The following NLGN1 variants were observed in gnomAD, a reference collection of about 807,000 sequenced individuals.
NLGN1 encodes neuroligin 1, also known as neuroligin-1.
A neutral mutation model predicts 65.5 loss-of-function variants in NLGN1; 12 were observed. The observed-to-expected ratio is 0.18, with a 90% CI of 0.12 to 0.30. The LOEUF (loss-of-function observed/expected upper bound fraction) is 0.30. NLGN1 is among the 10% of genes least tolerant of loss of function. NLGN1 has a pLI of 1.00. For synonymous variants in NLGN1, 350 were observed against 359.5 expected (o/e 0.97, Z 0.30); for missense variants, 750 against 1,007.1 (o/e 0.74, Z 3.46).
chr3:173,663,673 A>T (rs1761284993), intron 3 of NLGN1, among the ~76,000 whole-genome samples: 1 of 151,996 alleles, frequency 6.6e-6, no homozygotes, highest in South Asian at 2.1e-4. Flanking sequence ...CTAGAAATGT[A>T]TTGGTAGCTG....
At chr3:173,533,034 A>G (rs1407689460) in intron 2 of NLGN1, among the ~76,000 whole-genome samples, 1 of 152,226 alleles carries the variant, frequency 6.6e-6, no homozygotes, top group Non-Finnish European at 1.5e-5. Flanking sequence ...ACTGACCAGA[A>G]TAAGTCCCAT....
At chr3:173,591,093 A>G (rs950438487) in intron 2 of NLGN1, among the ~76,000 whole-genome samples, 2 of 152,230 alleles carry the variant, frequency 1.3e-5, no homozygotes, top group African/African-American at 4.8e-5. Flanking sequence ...ATCTTTTTCC[A>G]TTTTGTAAAA....
At chr3:173,962,765 T>G (rs1389119374) in intron 4 of NLGN1, among the ~76,000 whole-genome samples, 1 of 152,184 alleles carries the variant, frequency 6.6e-6, no homozygotes, top group Non-Finnish European at 1.5e-5. Context: ...GTTATCCTTC[T>G]GATACAGAAT....
At chr3:173,880,132 G>A (rs1395430325) in intron 4 of NLGN1, among the ~76,000 whole-genome samples, 1 of 151,868 alleles carries the variant, frequency 6.6e-6, no homozygotes, top group Non-Finnish European at 1.5e-5. Context: ...TATAAATTTA[G>A]GTAAATACCT....
chr3:173,924,277 T>C (rs1742599071), intron 4 of NLGN1, among the ~76,000 whole-genome samples: 1 of 152,132 alleles, frequency 6.6e-6, no homozygotes, highest in African/African-American at 2.4e-5. Context: ...TATATACATA[T>C]TTTCATTGCA....
chr3:173,670,476 A>G (rs1762306218), intron 3 of NLGN1, among the ~76,000 whole-genome samples: 1 of 152,160 alleles, frequency 6.6e-6, no homozygotes, highest in African/African-American at 2.4e-5. Flanking sequence ...GTGTGATGAG[A>G]TGAGAAATAG....
chr3:174,222,049 A>T (rs1561323531), intron 4 of NLGN1, among the ~76,000 whole-genome samples: 1 of 152,124 alleles, frequency 6.6e-6, no homozygotes, highest in Non-Finnish European at 1.5e-5. Context: ...TTCCTTGCAG[A>T]TATAAATTTT....
chr3:174,065,909 G>A (rs1738444038), intron 4 of NLGN1, among the ~76,000 whole-genome samples: 1 of 152,060 alleles, frequency 6.6e-6, no homozygotes, highest in East Asian at 1.9e-4. Context: ...AGCATGCAAG[G>A]AACTGAATCT....
At chr3:173,807,380 A>G (rs1716896407) in intron 3 of NLGN1, among the ~76,000 whole-genome samples, 1 of 152,122 alleles carries the variant, frequency 6.6e-6, no homozygotes, top group South Asian at 2.1e-4. Context: ...TTTTGCGTTT[A>G]CTGTCACTTG....
intron 4 of NLGN1, among the ~76,000 whole-genome samples, chr3:173,838,004 T>A (rs1723994528): frequency 6.6e-6 from 1 of 152,198 alleles, no homozygotes; most frequent in South Asian, 2.1e-4. Context: ...GAAAAATATT[T>A]AATTAGTCTA....
At chr3:173,545,516 A>G (rs1739646531) in intron 2 of NLGN1, among the ~76,000 whole-genome samples, 1 of 152,238 alleles carries the variant, frequency 6.6e-6, no homozygotes, top group African/African-American at 2.4e-5. Context: ...GAGAATGTAG[A>G]TTATGCTAGG....
intron 4 of NLGN1, among the ~76,000 whole-genome samples, chr3:174,008,825 T>TTA (rs1724958523): frequency 6.6e-6 from 1 of 151,222 alleles, no homozygotes; most frequent in African/African-American, 2.4e-5. Flanking sequence ...GGAAAGAGAT[T>TTA]AAAAAAAAAT....
chr3:173,710,128 C>G (rs918453836), intron 3 of NLGN1, among the ~76,000 whole-genome samples: 7 of 151,910 alleles, frequency 4.6e-5, no homozygotes, highest in Non-Finnish European at 8.8e-5. Flanking sequence ...TTCAAAAATT[C>G]AATGAGTGAA....
intron 1 of NLGN1, among the ~76,000 whole-genome samples, chr3:173,417,378 T>G (rs974251669): frequency 2.0e-5 from 3 of 151,928 alleles, no homozygotes; most frequent in African/African-American, 7.2e-5. Context: ...TTAAAATGTC[T>G]TGGTATGTGA....
intron 4 of NLGN1, among the ~76,000 whole-genome samples, chr3:174,199,622 G>A (rs1158961191): frequency 2.0e-5 from 3 of 151,998 alleles, no homozygotes; most frequent in Non-Finnish European, 4.4e-5. Flanking sequence ...GTTTGCCTGA[G>A]GTAAGGACAG....
At chr3:173,520,428 A>G (rs772128636) in intron 2 of NLGN1, among the ~76,000 whole-genome samples, 8 of 152,176 alleles carry the variant, frequency 5.3e-5, no homozygotes, top group Non-Finnish European at 1.0e-4. Context: ...AGGAGTGATA[A>G]TCCATTTAGT....
intron 4 of NLGN1, among the ~76,000 whole-genome samples, chr3:173,994,491 A>AAAGAG (rs10688223): frequency 0.036 from 2,894 of 80,140 alleles, 151 homozygotes; most frequent in East Asian, 0.053. Flanking sequence ...AAAAAAAAAA[A>AAAGAG]AGAGAGAGAG....
intron 3 of NLGN1, among the ~76,000 whole-genome samples, chr3:173,711,530 C>G (rs1206929160): frequency 6.6e-6 from 1 of 152,088 alleles, no homozygotes; most frequent in Non-Finnish European, 1.5e-5. Context: ...TTTGAAAACA[C>G]TCATTTTTTG....
At chr3:173,843,588 CAG>C (rs1725200571) in intron 4 of NLGN1, among the ~76,000 whole-genome samples, 1 of 152,192 alleles carries the variant, frequency 6.6e-6, no homozygotes, top group Non-Finnish European at 1.5e-5. Context: ...ATCTGTAGGA[CAG>C]GGGCAAAATG....
Sources: gnomAD v4.1 joint callset for allele counts (sites outside exome capture counted in the v4.1 genomes callset) on GRCh38, gnomAD v4.1.1 for gene constraint, MANE v1.5 for transcripts, NCBI Gene and HGNC (gene_info 2026-07-23, HGNC 2026-07-21) for gene names.